The following BNIP3L variants were observed in gnomAD, a reference collection of about 807,000 sequenced individuals.
The protein encoded by BNIP3L is BCL2/adenovirus E1B 19 kDa protein-interacting protein 3-like.
A neutral mutation model predicts 25.5 loss-of-function variants in BNIP3L; 10 were observed. That is an observed-to-expected ratio of 0.39 (90% CI 0.24 to 0.67). The LOEUF (loss-of-function observed/expected upper bound fraction) is 0.67, where lower values mean the gene tolerates loss of function less well. Among genes scored for constraint, BNIP3L ranks in the 30% least tolerant of loss-of-function variants. BNIP3L has a pLI of 0.45. For missense variants in BNIP3L, 215 were observed against 270.9 expected (o/e 0.79, Z 1.45); for synonymous variants, 113 against 101.2 (o/e 1.12, Z -0.70).
At position 26,410,727 on chromosome 8, in the gene BNIP3L, C is replaced by CT. The variant is rs1806603930; in HGVS notation, c.*316dup. ...AATTTTGTCAGCAATGCTATTATCT[C>CT]TAATTAGTGCCACCAGACTAGACCT... On this transcript the variant is annotated 3_prime_UTR_variant, in exon 6 of 6. Coordinates refer to ENST00000380629, the MANE Select transcript of BNIP3L (RefSeq NM_004331.3). 1 of 356,920 alleles carries CT rather than the reference C, an allele frequency of 2.8e-6. No homozygotes were observed. Among genetic ancestry groups the CT allele is most frequent in the Non-Finnish European group, 5.4e-6 (1 of 186,888 alleles). The allele number at this position is 356,920 out of a possible 1,614,324, so 22.1% of individuals were successfully genotyped here. A position where few individuals can be genotyped will look rare whatever the true frequency, so the allele number is the denominator to read the frequency against.
intron 1 of BNIP3L, among the ~76,000 whole-genome samples, chr8:26,385,324 C>T (rs1398133592): frequency 2.0e-5 from 3 of 151,898 alleles, no homozygotes; most frequent in Non-Finnish European, 4.4e-5. Flanking sequence ...AGGCAGGGCA[C>T]GATGGCTCAC....
intron 2 of BNIP3L, 99 bp from the exon 3 acceptor site, chr8:26,395,131 C>T: frequency 8.1e-7 from 1 of 1,232,194 alleles, no homozygotes; most frequent in African/African-American, 1.5e-5. Context: ...TTTTTCAAAG[C>T]CATACTGCTG....
chr8:26,395,448 A>G, intron 3 of BNIP3L, 146 bp downstream of exon 3: 1 of 902,182 alleles, frequency 1.1e-6, no homozygotes, highest in Non-Finnish European at 1.6e-6. Flanking sequence ...ATTTAGGATG[A>G]TATAGTTCTT....
At chr8:26,404,755 AC>A (rs1291231979) in intron 3 of BNIP3L, among the ~76,000 whole-genome samples, 1 of 152,150 alleles carries the variant, frequency 6.6e-6, no homozygotes, top group Non-Finnish European at 1.5e-5. Flanking sequence ...TGATCCGTCC[AC>A]CTCGGCCTCC....
chr8:26,405,671 T>A (rs1806482880), intron 3 of BNIP3L, among the ~76,000 whole-genome samples: 2 of 152,182 alleles, frequency 1.3e-5, no homozygotes, highest in Admixed American at 1.3e-4. Flanking sequence ...GAGTGAATCC[T>A]AGTCAAACAA....
At chr8:26,393,904 C>T (rs991687365) in intron 2 of BNIP3L, among the ~76,000 whole-genome samples, 6 of 152,148 alleles carry the variant, frequency 3.9e-5, no homozygotes, top group African/African-American at 9.7e-5. Context: ...TTATACTAGT[C>T]TAAAAGACTC....
rs576562846 is a variant in BNIP3L, at chr8:26,407,428, C to T, written c.358-572C>T. Among the ~76,000 whole-genome samples the T allele has an allele frequency of 4.6e-5, 7 of 151,986 alleles. No homozygotes were observed. The South Asian group carries it at 1.0e-3, about 23-fold the overall frequency. ...GTCTCGATCTCCTGACCTTGTGATC[C>T]GCTCACCTCGGCCTCCCAAAGTGCT... is the stretch of plus-strand genomic sequence containing the variant. On this transcript the variant is annotated intron_variant, in intron 3 of 5. Transcript: ENST00000380629.
chr8:26,390,450 A>G (rs1429524050), intron 1 of BNIP3L: 5 of 985,306 alleles, frequency 5.1e-6, no homozygotes, highest in Non-Finnish European at 6.0e-6. Context: ...CCAAATCAAC[A>G]GGGTTTAATG....
In BNIP3L at chr8:26,401,087, A is replaced by T. The variant is rs879557055; in HGVS notation, c.357+5785A>T. Reference sequence around the variant, plus strand: ...CTGGGTATATACCCAAATGACTATAAATCATGCTGCTATAAAGACACATGC... The same window carrying T: ...CTGGGTATATACCCAAATGACTATATATCATGCTGCTATAAAGACACATGC... On this transcript the variant is annotated intron_variant, in intron 3 of 5. Transcript: ENST00000380629. Among the ~76,000 whole-genome samples the T allele has an allele frequency of 6.1e-3, 843 of 139,144 alleles. 24 individuals carry two copies. Among genetic ancestry groups the T allele is most frequent in the Admixed American group, 0.058 (786 of 13,484 alleles). 91.3% of individuals were successfully genotyped at this position (139,144 alleles called of 152,430 possible). A position where few individuals can be genotyped will look rare whatever the true frequency, so the allele number is the denominator to read the frequency against.
At chr8:26,399,933 G>T (rs1806331719) in intron 3 of BNIP3L, among the ~76,000 whole-genome samples, 2 of 149,556 alleles carry the variant, frequency 1.3e-5, no homozygotes, top group South Asian at 2.1e-4. Context: ...AGAAATGGAA[G>T]AACATTCCAT....
intron 3 of BNIP3L, among the ~76,000 whole-genome samples, chr8:26,398,475 T>C (rs534315865): frequency 0.038 from 3,865 of 101,802 alleles, 49 homozygotes; most frequent in South Asian, 0.12. Flanking sequence ...TTCAAAGCAG[T>C]GTGTAGAGGG....
At chr8:26,407,287 G>A (rs529701727) in intron 3 of BNIP3L, among the ~76,000 whole-genome samples, 1 of 152,074 alleles carries the variant, frequency 6.6e-6, no homozygotes, top group East Asian at 1.9e-4. Flanking sequence ...CTGGGTTCAC[G>A]CCATTCTCCT....
At chr8:26,407,789 A>G (rs531932473) in intron 3 of BNIP3L, among the ~76,000 whole-genome samples, 1 of 152,310 alleles carries the variant, frequency 6.6e-6, no homozygotes, top group African/African-American at 2.4e-5. Context: ...TAGATATCCC[A>G]ACAGTGAAGC....
chr8:26,390,181 T>C (rs1413380502), intron 1 of BNIP3L, among the ~76,000 whole-genome samples: 1 of 152,168 alleles, frequency 6.6e-6, no homozygotes, highest in South Asian at 2.1e-4. Context: ...GTCAAACTCC[T>C]GGATTCAAGC....
Position 26,410,510 on chromosome 8 carries a change from C to G in BNIP3L, c.*98C>G. ...TGAGACCATTGTAAGCATGACCCAA[C>G]CTACCACCCTGTTTTTACATATCCA... On this transcript the variant is annotated 3_prime_UTR_variant, in exon 6 of 6. Transcript: ENST00000380629. 7.4e-7 allele frequency: 1 copy of G among 1,357,002 alleles called. No individual in the cohort carries two copies. Among genetic ancestry groups the G allele is most frequent in the African/African-American group, 1.4e-5 (1 of 69,716 alleles). The allele number at this position is 1,357,002 out of a possible 1,614,324, so 84.1% of individuals were successfully genotyped here. A position where few individuals can be genotyped will look rare whatever the true frequency, so the allele number is the denominator to read the frequency against.
Position 26,410,838 on chromosome 8 carries a change from A to C in BNIP3L, c.*426A>C, listed in dbSNP as rs1806607934. The C allele has an allele frequency of 6.5e-6, 1 of 154,034 alleles. No homozygotes were observed. The highest frequency in any genetic ancestry group is 6.5e-5 in the Admixed American group (1 of 15,422). 9.5% of individuals were successfully genotyped at this position (154,034 alleles called of 1,614,324 possible). A position where few individuals can be genotyped will look rare whatever the true frequency, so the allele number is the denominator to read the frequency against. Reference sequence around the variant, plus strand: ...AGATCAGGTTAGCAAATGATGTAAAAGAAGCTTTATTGTCTAGTTGTTTTT... The same window carrying C: ...AGATCAGGTTAGCAAATGATGTAAACGAAGCTTTATTGTCTAGTTGTTTTT... On this transcript the variant is annotated 3_prime_UTR_variant, in exon 6 of 6. Coordinates refer to ENST00000380629, the MANE Select transcript of BNIP3L (RefSeq NM_004331.3).
chr8:26,400,244 C>T (rs1243635479), intron 3 of BNIP3L, among the ~76,000 whole-genome samples: 14 of 151,456 alleles, frequency 9.2e-5, no homozygotes, highest in Non-Finnish European at 1.8e-4. Flanking sequence ...AGAACAGAGC[C>T]CTCAGAAATA....
At chr8:26,409,873 T>C (rs1806582308) in intron 5 of BNIP3L, among the ~76,000 whole-genome samples, 1 of 152,230 alleles carries the variant, frequency 6.6e-6, no homozygotes, top group African/African-American at 2.4e-5. Context: ...GAAAAAGTAT[T>C]ATAAGGCCCC....
chr8:26,390,639 T>G (rs898975930), intron 1 of BNIP3L: 1 of 819,392 alleles, frequency 1.2e-6, no homozygotes, highest in Non-Finnish European at 1.5e-6. Context: ...ATTACCTGAT[T>G]TAGTTAACCA....
Sources: allele counts gnomAD v4.1 joint callset (sites outside exome capture counted in the v4.1 genomes callset), GRCh38; gene constraint gnomAD v4.1.1; transcripts MANE v1.5; gene names NCBI Gene and HGNC (gene_info 2026-07-23, HGNC 2026-07-21).